CACNG8: variants seen among roughly 807,000 people sequenced by gnomAD.
The protein encoded by CACNG8 is voltage-dependent calcium channel gamma-8 subunit.
A neutral mutation model predicts 26.9 loss-of-function variants in CACNG8; 5 were observed. The ratio of observed to expected loss-of-function variants is 0.19; its 90% CI spans 0.10 to 0.39. The LOEUF is 0.39. CACNG8 is among the 10% of genes least tolerant of loss of function. CACNG8 has a pLI of 1.00. For missense variants in CACNG8, 473 were observed against 609.4 expected (o/e 0.78, Z 2.36); for synonymous variants, 321 against 296.7 (o/e 1.08, Z -0.84).
At chr19:53,978,102 C>A in intron 1 of CACNG8, 44 bp from the exon 2 acceptor site, 67 of 1,277,228 alleles carry the variant, frequency 5.2e-5, no homozygotes, top group Non-Finnish European at 6.5e-5. Flanking sequence ...CCGCCCCCAA[C>A]CCTGAAGTAT....
rs766770976 is a variant in CACNG8, at chr19:53,963,436, G to C, written c.283+11G>C. The C allele has an allele frequency of 1.8e-5, 26 of 1,436,272 alleles. No homozygotes were observed. Among genetic ancestry groups the C allele is most frequent in the Admixed American group, 5.3e-5 (2 of 37,978 alleles). The allele number at this position is 1,436,272 out of a possible 1,614,324, so 89.0% of individuals were successfully genotyped here. A position where few individuals can be genotyped will look rare whatever the true frequency, so the allele number is the denominator to read the frequency against. On this transcript the variant is annotated intron_variant, in intron 1 of 3. Coordinates refer to ENST00000270458, the MANE Select transcript of CACNG8 (RefSeq NM_031895.6). ...TCTGCTGCCTGGAAGGTAGGGTGCG[G>C]GCGGCCCTCCCCGCAGCCCCCGCCG... is the stretch of plus-strand genomic sequence containing the variant.
intron 1 of CACNG8, 112 bp from the exon 2 acceptor site, chr19:53,978,034 C>A: frequency 1.5e-6 from 1 of 686,106 alleles, no homozygotes; most frequent in Non-Finnish European, 2.6e-6. Context: ...GTCTCCCAAG[C>A]AGCCCAGAGA....
intron 1 of CACNG8, among the ~76,000 whole-genome samples, chr19:53,975,864 G>A (rs1468473310): frequency 6.6e-6 from 1 of 152,124 alleles, no homozygotes; most frequent in Non-Finnish European, 1.5e-5. Flanking sequence ...TCCACGTTTG[G>A]GTAATGGGTG....
intron 1 of CACNG8, 83 bp from the exon 2 acceptor site, chr19:53,978,063 G>T: frequency 1.1e-6 from 1 of 913,276 alleles, no homozygotes; most frequent in South Asian, 1.4e-5. Context: ...GTTTGGGGAA[G>T]GGAAGGGTCG....
intron 1 of CACNG8, among the ~76,000 whole-genome samples, chr19:53,964,484 A>C: frequency 1.3e-5 from 2 of 150,384 alleles, no homozygotes; most frequent in Admixed American, 6.6e-5. Flanking sequence ...AGTGGACTCC[A>C]CTTCCTCTTC....
Position 53,983,028 on chromosome 19 carries a change from AG to A in CACNG8, c.*184del. On this transcript the variant is annotated 3_prime_UTR_variant, in exon 4 of 4. Transcript: ENST00000270458. ...CCCTCCGAAGCAGGGACCCCGAGGG[AG>A]GGGGCAGGGGAGGGAGGGGGCCGCT... 1 of 108,164 alleles carries A rather than the reference AG, an allele frequency of 9.2e-6. No homozygotes were observed. The highest frequency in any genetic ancestry group is 1.5e-5 in the Non-Finnish European group (1 of 65,910). The allele number at this position is 108,164 out of a possible 1,614,324, so 6.7% of individuals were successfully genotyped here. A position where few individuals can be genotyped will look rare whatever the true frequency, so the allele number is the denominator to read the frequency against.
rs755389760 is a variant in CACNG8, at chr19:53,963,443, C to T, written c.283+18C>T. 1.4e-6 allele frequency: 2 copies of T among 1,431,294 alleles called. No homozygotes were observed. The highest frequency in any genetic ancestry group is 3.0e-5 in the African/African-American group (2 of 67,468). 88.7% of individuals were successfully genotyped at this position (1,431,294 alleles called of 1,614,324 possible). A position where few individuals can be genotyped will look rare whatever the true frequency, so the allele number is the denominator to read the frequency against. On this transcript the variant is annotated intron_variant, in intron 1 of 3. Transcript: ENST00000270458. ...CCTGGAAGGTAGGGTGCGGGCGGCC[C>T]TCCCCGCAGCCCCCGCCGCTCCCCT...
At chr19:53,975,281 C>T (rs369330406) in intron 1 of CACNG8, among the ~76,000 whole-genome samples, 2 of 152,122 alleles carry the variant, frequency 1.3e-5, no homozygotes, top group African/African-American at 4.8e-5. Flanking sequence ...ACCATACTAA[C>T]GAATATGAGG....
At chr19:53,979,128 G>A (rs1475503417) in intron 2 of CACNG8, among the ~76,000 whole-genome samples, 1 of 146,660 alleles carries the variant, frequency 6.8e-6, no homozygotes, top group Non-Finnish European at 1.5e-5. Context: ...GGGGTGGCTA[G>A]GAAGACAGAT....
chr19:53,974,348 C>G (rs770134332), intron 1 of CACNG8, among the ~76,000 whole-genome samples: 1 of 152,152 alleles, frequency 6.6e-6, no homozygotes, highest in African/African-American at 2.4e-5. Context: ...GTTGTTTATC[C>G]TTTCATCTGT....
At chr19:53,975,371 T>C (rs925397514) in intron 1 of CACNG8, among the ~76,000 whole-genome samples, 3 of 151,910 alleles carry the variant, frequency 2.0e-5, no homozygotes, top group African/African-American at 7.3e-5. Context: ...TGTGGACCCA[T>C]TCAATCATTC....
chr19:53,966,014 G>A (rs1053286292), intron 1 of CACNG8, among the ~76,000 whole-genome samples: 5 of 152,190 alleles, frequency 3.3e-5, no homozygotes, highest in South Asian at 2.1e-4. Context: ...GGCGGAGAAC[G>A]TAGGAGTAAG....
intron 3 of CACNG8, 40 bp downstream of exon 3, chr19:53,980,047 T>G: frequency 1.9e-6 from 3 of 1,562,180 alleles, no homozygotes; most frequent in East Asian, 2.3e-5. Flanking sequence ...GCGGCCCACC[T>G]GGGCGCGCAC....
intron 1 of CACNG8, among the ~76,000 whole-genome samples, chr19:53,966,702 T>C (rs560777369): frequency 6.6e-6 from 1 of 152,324 alleles, no homozygotes; most frequent in East Asian, 1.9e-4. Context: ...CCTCACGGCT[T>C]CTTATACATC....
intron 1 of CACNG8, among the ~76,000 whole-genome samples, chr19:53,965,919 A>G (rs1442704886): frequency 6.6e-6 from 1 of 152,084 alleles, no homozygotes; most frequent in Non-Finnish European, 1.5e-5. Context: ...CTGTAGGAAT[A>G]GCAGGCGCAG....
At position 53,982,603 on chromosome 19, in the gene CACNG8, G is replaced by GGGCGGCGGCGGA. The variant is rs897367616; in HGVS notation, c.1044_1055dup (p.Gly349_Gly352dup). 19 of 969,208 alleles carry GGGCGGCGGCGGA rather than the reference G, an allele frequency of 2.0e-5. No individual in the cohort carries two copies. Among genetic ancestry groups the GGGCGGCGGCGGA allele is most frequent in the African/African-American group, 3.5e-5 (2 of 56,430 alleles). The allele number at this position is 969,208 out of a possible 1,614,324, so 60.0% of individuals were successfully genotyped here. On this transcript the variant is annotated inframe_insertion, in exon 4 of 4. Transcript: ENST00000270458. The surrounding 1 kb of genome is among the most constrained non-coding windows in gnomAD (Gnocchi z 8.4). The stretch of plus-strand genomic sequence containing the variant: ...TCGGCGGCGCGGCCGGGGGCGCCGG[G>GGGCGGCGGCGGA]GGCGGCGGCGGAGGCGGCGGCGGGG...
intron 1 of CACNG8, among the ~76,000 whole-genome samples, chr19:53,964,115 T>C (rs1319688299): frequency 6.6e-6 from 1 of 151,978 alleles, no homozygotes; most frequent in Non-Finnish European, 1.5e-5. Context: ...TTCTCCCTCT[T>C]TCCCGTCAGT....
chr19:53,981,992 G>T (rs1397668861), intron 3 of CACNG8, 88 bp from the exon 4 acceptor site: 8 of 1,387,028 alleles, frequency 5.8e-6, no homozygotes, highest in Non-Finnish European at 4.7e-6. Flanking sequence ...GCCTGGGCCC[G>T]CTGGCGCAGG....
At chr19:53,978,476 C>T (rs1002986936) in intron 2 of CACNG8, among the ~76,000 whole-genome samples, 2 of 152,040 alleles carry the variant, frequency 1.3e-5, no homozygotes, top group Non-Finnish European at 2.9e-5. Flanking sequence ...GCTAATTGGC[C>T]GCTTTGCTCT....
Sources: gnomAD v4.1 joint callset for allele counts (sites outside exome capture counted in the v4.1 genomes callset) on GRCh38, gnomAD v4.1.1 for gene constraint, Gnocchi (gnomAD v3.1) non-coding constraint, MANE v1.5 for transcripts, NCBI Gene and HGNC (gene_info 2026-07-23, HGNC 2026-07-21) for gene names.